Variants in STK38 observed in about 807,000 individuals in gnomAD.
STK38 encodes the protein serine/threonine kinase 38.
In STK38, 26 loss-of-function variants were observed where a neutral mutation model predicts 59.0. The ratio of observed to expected loss-of-function variants is 0.44; its 90% CI spans 0.32 to 0.61. The LOEUF (loss-of-function observed/expected upper bound fraction) is 0.61, where lower values mean the gene tolerates loss of function less well. Ranked by LOEUF, STK38 falls within the 20% of genes least tolerant of loss-of-function variation. The pLI, the probability that STK38 is intolerant of heterozygous loss-of-function variation, is 0.04. For missense variants in STK38, 433 were observed against 566.0 expected (o/e 0.76, Z 2.38); for synonymous variants, 175 against 176.6 (o/e 0.99, Z 0.07).
rs765774384 is a variant in STK38 at position 36,503,844 on chromosome 6, G to A, written c.834+2739C>T. ...TAGAGTCTGCCACTGGAGCTCGCTC[G>A]CATTTTACCACACTTTTTACCACAC... On this transcript the variant is annotated intron_variant, in intron 9 of 13. Transcript: ENST00000229812. Among the ~76,000 whole-genome samples the A allele has an allele frequency of 3.3e-5, 5 of 152,096 alleles. No individual in the cohort carries two copies. In the East Asian group the frequency reaches 5.8e-4, roughly 18 times the overall value.
intron 2 of STK38, among the ~76,000 whole-genome samples, chr6:36,532,941 G>T (rs145560767): frequency 6.6e-6 from 1 of 151,406 alleles, no homozygotes; most frequent in Non-Finnish European, 1.5e-5. Context: ...ACATGGTGGC[G>T]TGCTCCTGTA....
At chr6:36,543,567 C>A (rs1777991697) in intron 1 of STK38, among the ~76,000 whole-genome samples, 1 of 152,096 alleles carries the variant, frequency 6.6e-6, no homozygotes, top group African/African-American at 2.4e-5. Context: ...TCAAGACCAG[C>A]CTGGGTAACA....
intron 7 of STK38, among the ~76,000 whole-genome samples, chr6:36,512,722 C>T (rs1985424): frequency 0.24 from 36,042 of 151,802 alleles, 4,504 homozygotes; most frequent in East Asian, 0.39. Context: ...TGCAGTGGCA[C>T]GATCTTGGCT....
intron 5 of STK38, among the ~76,000 whole-genome samples, chr6:36,518,597 A>C (rs1407286804): frequency 6.6e-6 from 1 of 152,098 alleles, no homozygotes; most frequent in African/African-American, 2.4e-5. Context: ...TCGCTCTGTC[A>C]CTCCGGCTAG....
intron 9 of STK38, among the ~76,000 whole-genome samples, chr6:36,505,136 G>A (rs1776935138): frequency 6.6e-6 from 1 of 152,100 alleles, no homozygotes; most frequent in Non-Finnish European, 1.5e-5. Flanking sequence ...CAGACCAACT[G>A]AATCATAATT....
At chr6:36,546,095 C>T (rs1483541975) in intron 1 of STK38, among the ~76,000 whole-genome samples, 1 of 152,222 alleles carries the variant, frequency 6.6e-6, no homozygotes, top group East Asian at 1.9e-4. Flanking sequence ...TAATCTCTCC[C>T]ACTGAACTGT....
chr6:36,517,586 A>G (rs1777286311), intron 6 of STK38, 131 bp downstream of exon 6: 1 of 1,181,438 alleles, frequency 8.5e-7, no homozygotes, highest in Admixed American at 2.6e-5. Context: ...CTTCCTTTAT[A>G]GACCTAAAAA....
intron 5 of STK38, 98 bp downstream of exon 5, chr6:36,521,636 A>G: frequency 1.2e-6 from 1 of 843,164 alleles, no homozygotes; most frequent in African/African-American, 1.8e-5. Flanking sequence ...AGAGCTAAAG[A>G]AAACTGTAAT....
intron 7 of STK38, among the ~76,000 whole-genome samples, chr6:36,513,605 C>T (rs977354413): frequency 3.3e-5 from 5 of 152,030 alleles, no homozygotes; most frequent in Non-Finnish European, 2.9e-5. Flanking sequence ...CGTAAGCCAC[C>T]ATGCCCGGCC....
chr6:36,500,055 G>A lies in STK38; in HGVS notation c.835-65C>T, dbSNP rs975508180. ...AGGAGGTGCCCAGAGTTCTGTTCTA[G>A]AAACCAAAGGCTATGAGTAACATCA... On this transcript the variant is annotated intron_variant, in intron 9 of 13. Transcript: ENST00000229812. The A allele has an allele frequency of 9.0e-6, 11 of 1,228,570 alleles. No homozygotes were observed. In the East Asian group the frequency reaches 2.3e-4, roughly 26 times the overall value. The allele number at this position is 1,228,570 out of a possible 1,614,324, so 76.1% of individuals were successfully genotyped here.
chr6:36,517,684 A>T (rs752901877), intron 6 of STK38, 33 bp downstream of exon 6: 1 of 1,606,438 alleles, frequency 6.2e-7, no homozygotes, highest in South Asian at 1.1e-5. Context: ...CAGAACAAAA[A>T]GAAAAAATGA....
At chr6:36,539,363 G>C (rs547167399) in intron 2 of STK38, among the ~76,000 whole-genome samples, 1 of 150,048 alleles carries the variant, frequency 6.7e-6, no homozygotes, top group East Asian at 2.0e-4. Context: ...TCCAGCCTGG[G>C]CAACAGAGTG....
At chr6:36,513,268 T>C (rs1241974992) in intron 7 of STK38, among the ~76,000 whole-genome samples, 1 of 151,826 alleles carries the variant, frequency 6.6e-6, no homozygotes, top group Non-Finnish European at 1.5e-5. Flanking sequence ...TCCACCCACC[T>C]TGGCCTCCCA....
intron 8 of STK38, 97 bp downstream of exon 8, chr6:36,507,403 T>G: frequency 1.0e-6 from 1 of 990,000 alleles, no homozygotes; most frequent in Non-Finnish European, 1.6e-6. Flanking sequence ...ATACTCAAAG[T>G]GTGAGAATCT....
chr6:36,511,878 G>A (rs1381138474), intron 7 of STK38, among the ~76,000 whole-genome samples: 1 of 151,698 alleles, frequency 6.6e-6, no homozygotes, highest in Non-Finnish European at 1.5e-5. Context: ...GGCCAACAGG[G>A]TGAAACCCCA....
chr6:36,500,772 A>AAC, intron 9 of STK38, among the ~76,000 whole-genome samples: 1 of 151,462 alleles, frequency 6.6e-6, no homozygotes, highest in East Asian at 1.9e-4. Context: ...AAAAAAAAAA[A>AAC]AAAAAAATAG....
chr6:36,514,442 A>C (rs1777197063), intron 7 of STK38, among the ~76,000 whole-genome samples: 1 of 152,208 alleles, frequency 6.6e-6, no homozygotes, highest in South Asian at 2.1e-4. Flanking sequence ...CAGTCAAGAC[A>C]ACAAGTCTGC....
At chr6:36,518,043 T>C (rs752289794) in intron 5 of STK38, among the ~76,000 whole-genome samples, 6 of 152,200 alleles carry the variant, frequency 3.9e-5, no homozygotes, top group African/African-American at 2.4e-5. Context: ...TGATGAAAAC[T>C]TGAGTGATGA....
intron 2 of STK38, among the ~76,000 whole-genome samples, chr6:36,526,109 G>A (rs560885824): frequency 1.3e-5 from 2 of 152,180 alleles, no homozygotes; most frequent in East Asian, 1.9e-4. Context: ...GCGATTACAG[G>A]TGTGAGCCAC....
Sources: allele counts gnomAD v4.1 joint callset (sites outside exome capture counted in the v4.1 genomes callset), GRCh38; gene constraint gnomAD v4.1.1; transcripts MANE v1.5; gene names NCBI Gene and HGNC (gene_info 2026-07-23, HGNC 2026-07-21).